PMEPA1: variants seen among roughly 807,000 people sequenced by gnomAD.
PMEPA1 encodes the protein protein TMEPAI.
PMEPA1 carries 11 observed loss-of-function variants against 23.0 expected under a neutral mutation model. The observed-to-expected ratio is 0.48, with a 90% CI of 0.30 to 0.79. The LOEUF is 0.79. Ranked by LOEUF, PMEPA1 falls within the 30% of genes least tolerant of loss-of-function variation. The pLI, the probability that PMEPA1 is intolerant of heterozygous loss-of-function variation, is 0.06. For synonymous variants in PMEPA1, 204 were observed against 166.4 expected (o/e 1.23, Z -1.74); for missense variants, 377 against 390.9 (o/e 0.96, Z 0.30).
chr20:57,672,049 T>TA (rs200180924), intron 1 of PMEPA1, among the ~76,000 whole-genome samples: 14 of 152,268 alleles, frequency 9.2e-5, no homozygotes, highest in Non-Finnish European at 1.8e-4. Flanking sequence ...AAAATGAGGA[T>TA]AAAAAATTAA....
Position 57,652,622 on chromosome 20 carries a change from AGG to A in PMEPA1, c.319-26_319-25del. 1 of 1,446,120 alleles carries A rather than the reference AGG, an allele frequency of 6.9e-7. No homozygotes were observed. Among genetic ancestry groups the A allele is most frequent in the East Asian group, 2.5e-5 (1 of 40,338 alleles). The allele number at this position is 1,446,120 out of a possible 1,614,324, so 89.6% of individuals were successfully genotyped here. A position where few individuals can be genotyped will look rare whatever the true frequency, so the allele number is the denominator to read the frequency against. On this transcript the variant is annotated intron_variant, in intron 3 of 3. Coordinates refer to ENST00000341744, the MANE Select transcript of PMEPA1 (RefSeq NM_020182.5). This position sits in a 1 kb window ranked among gnomAD's most constrained non-coding sequence, Gnocchi z 6.1. ...GGCTGGAGGAAGCAGAGCGGGAGTG[AGG>A]GAGGGCGGCTGTCTCAGGTGGGTTG...
At chr20:57,693,611 C>A (rs2071910231) in intron 1 of PMEPA1, among the ~76,000 whole-genome samples, 1 of 152,240 alleles carries the variant, frequency 6.6e-6, no homozygotes, top group South Asian at 2.1e-4. Context: ...CTCCCCAGAG[C>A]TAAAAAGGTA....
At position 57,681,311 on chromosome 20, in the gene PMEPA1, G is replaced by A. The variant is rs114211746; in HGVS notation, c.110-21614C>T. Among the ~76,000 whole-genome samples, 780 of 152,258 alleles carry A rather than the reference G, an allele frequency of 5.1e-3. 7 individuals are homozygous for A. Among genetic ancestry groups the A allele is most frequent in the African/African-American group, 0.018 (741 of 41,552 alleles). ...GAACCCCCGTCCCTCCAAACCTGCC[G>A]CCTGCCTGAGCTCCTGAGGGCACCC... On this transcript the variant is annotated intron_variant, in intron 1 of 3. Transcript: ENST00000341744.
chr20:57,683,091 A>G lies in PMEPA1; in HGVS notation c.110-23394T>C, dbSNP rs1434472549. ...CGCAGTCTCCGGGGGCATTTACGCC[A>G]CACTTGTCCTTAAGCTCAGATCTCC... On this transcript the variant is annotated intron_variant, in intron 1 of 3. Coordinates refer to ENST00000341744, the MANE Select transcript of PMEPA1 (RefSeq NM_020182.5). The surrounding 1 kb of genome is among the most constrained non-coding windows in gnomAD (Gnocchi z 4.3). Among the ~76,000 whole-genome samples, 1 of 152,220 alleles carries G rather than the reference A, an allele frequency of 6.6e-6. No individual in the cohort carries two copies. Among genetic ancestry groups the G allele is most frequent in the Non-Finnish European group, 1.5e-5 (1 of 68,036 alleles).
intron 1 of PMEPA1, among the ~76,000 whole-genome samples, chr20:57,694,129 C>G (rs1052328548): frequency 6.6e-6 from 1 of 152,182 alleles, no homozygotes; most frequent in Non-Finnish European, 1.5e-5. Context: ...TTGCCCCTGA[C>G]CTTCAAATAG....
intron 1 of PMEPA1, among the ~76,000 whole-genome samples, chr20:57,661,066 G>A (rs6099707): frequency 6.6e-6 from 1 of 152,220 alleles, no homozygotes; most frequent in East Asian, 1.9e-4. Flanking sequence ...TTGGTGAAAA[G>A]GCCTCAGAAA....
rs1195120012 is a variant in PMEPA1, at chr20:57,683,062, A to G, written c.110-23365T>C. 1.3e-5 allele frequency among the ~76,000 whole-genome samples: 2 copies of G among 152,194 alleles called. No homozygotes were observed. Among genetic ancestry groups the G allele is most frequent in the African/African-American group, 4.8e-5 (2 of 41,458 alleles). On this transcript the variant is annotated intron_variant, in intron 1 of 3. Coordinates refer to ENST00000341744, the MANE Select transcript of PMEPA1 (RefSeq NM_020182.5). The surrounding 1 kb of genome is among the most constrained non-coding windows in gnomAD (Gnocchi z 4.3). ...CAGACCTTTTTCAATGTCATCTCTC[A>G]CGCCGCAGTCTCCGGGGGCATTTAC...
rs142295639 is a variant in PMEPA1, at chr20:57,652,267, G to A, written c.650C>T (p.Thr217Met). ...PPSSNSGISATCYGSGGRMEG... is the reference protein window; with the variant it reads ...PPSSNSGISAMCYGSGGRMEG... ...CATGCGCCCGCCGCTGCCGTAGCAC[G>A]TGGCGCTGATGCCCGAGTTACTGCT... The change falls in exon 4 of 4, where the codon ACG becomes ATG. Residue 217 changes from threonine (T) to methionine (M), a missense_variant. By Grantham distance (81) the Thr-to-Met change is moderately conservative. This residue lies in a region of PMEPA1 where 176 missense variants were observed against 173.0 expected (regional missense o/e 1.02). Coordinates refer to ENST00000341744, the MANE Select transcript of PMEPA1 (RefSeq NM_020182.5). The surrounding 1 kb of genome is among the most constrained non-coding windows in gnomAD (Gnocchi z 6.1). The A allele has an allele frequency of 3.4e-4, 540 of 1,608,650 alleles. 2 individuals are homozygous for A. Among genetic ancestry groups the A allele is most frequent in the Middle Eastern group, 1.2e-3 (7 of 6,058 alleles).
chr20:57,710,392 A>C (rs533346307), upstream of PMEPA1: 178 of 1,536,518 alleles, frequency 1.2e-4, 2 homozygotes, highest in South Asian at 1.9e-3. Flanking sequence ...TCTGAGGAGC[A>C]CAAGGTCCCT....
rs544034838 is a variant in PMEPA1, at chr20:57,666,921, C to T, written c.110-7224G>A. ...CCCCAATCACAGGCGAGGGGACGGG[C>T]CTGGAAATAGTTTCCAAACTCCGAA... On this transcript the variant is annotated intron_variant, in intron 1 of 3. Transcript: ENST00000341744. Among the ~76,000 whole-genome samples, 25 of 152,324 alleles carry T rather than the reference C, an allele frequency of 1.6e-4. 2 individuals are homozygous for T. In the South Asian group the frequency reaches 5.0e-3, roughly 30 times the overall value.
chr20:57,690,737 C>A (rs569157469), intron 1 of PMEPA1: 13 of 368,366 alleles, frequency 3.5e-5, no homozygotes, highest in African/African-American at 2.1e-4. Context: ...GCCCAGCCGA[C>A]CCCCACCTGC....
At chr20:57,662,475 G>C (rs1157236163) in intron 1 of PMEPA1, among the ~76,000 whole-genome samples, 2 of 152,200 alleles carry the variant, frequency 1.3e-5, no homozygotes, top group Non-Finnish European at 2.9e-5. Context: ...TGCCTGCTGG[G>C]AACTCAGGCC....
chr20:57,684,673 T>C (rs763793101), intron 1 of PMEPA1, among the ~76,000 whole-genome samples: 24 of 152,246 alleles, frequency 1.6e-4, no homozygotes, highest in Non-Finnish European at 3.2e-4. Context: ...ATGAGGTTAA[T>C]TAATGCATCT....
At chr20:57,653,956 C>T (rs1568960359) in intron 2 of PMEPA1, among the ~76,000 whole-genome samples, 1 of 152,160 alleles carries the variant, frequency 6.6e-6, no homozygotes, top group Non-Finnish European at 1.5e-5. Flanking sequence ...TCCCAGTTCA[C>T]AGGTGAAAAA....
rs2071526716 is a variant in PMEPA1, at chr20:57,668,669, C to T, written c.110-8972G>A. ...AACTCTGGATATTTTCAGGTGTGAA[C>T]CTTTGCTCCAGCATATAGACAGCTG... On this transcript the variant is annotated intron_variant, in intron 1 of 3. Transcript: ENST00000341744. Among the ~76,000 whole-genome samples the T allele has an allele frequency of 2.0e-5, 3 of 152,330 alleles. No homozygotes were observed. In the South Asian group the frequency reaches 6.2e-4, roughly 32 times the overall value.
intron 1 of PMEPA1, among the ~76,000 whole-genome samples, chr20:57,690,063 C>T (rs2071856284): frequency 6.6e-6 from 1 of 152,250 alleles, no homozygotes; most frequent in South Asian, 2.1e-4. Context: ...GTCGGTGTCA[C>T]CCCATTTTAT....
chr20:57,654,472 C>T (rs1468129515), intron 2 of PMEPA1, among the ~76,000 whole-genome samples: 1 of 152,034 alleles, frequency 6.6e-6, no homozygotes, highest in Non-Finnish European at 1.5e-5. Context: ...GGCTCTGTGG[C>T]CCCTCAAAAC....
In PMEPA1 at chr20:57,683,634, C is replaced by T. The variant is rs1179422691; in HGVS notation, c.110-23937G>A. On this transcript the variant is annotated intron_variant, in intron 1 of 3. Transcript: ENST00000341744. This position sits in a 1 kb window ranked among gnomAD's most constrained non-coding sequence, Gnocchi z 4.3. ...AAAATACTTCATGTTGATATTTCTT[C>T]TTAAAGATGCTGTAATTATGAGAGA... is the stretch of plus-strand genomic sequence containing the variant. Among the ~76,000 whole-genome samples, 1 of 151,280 alleles carries T rather than the reference C, an allele frequency of 6.6e-6. No homozygotes were observed. Among genetic ancestry groups the T allele is most frequent in the Non-Finnish European group, 1.5e-5 (1 of 67,948 alleles).
In PMEPA1 at chr20:57,659,588, G is replaced by C. The variant is rs752618564; in HGVS notation, c.219C>G (p.Ile73Met). The C allele has an allele frequency of 5.6e-6, 9 of 1,613,762 alleles. No homozygotes were observed. The highest frequency in any genetic ancestry group is 6.8e-6 in the Non-Finnish European group (8 of 1,179,940). Residue 73 changes from isoleucine (I) to methionine (M), a missense_variant, in exon 2 of 4, where the codon ATC (isoleucine) becomes ATG (methionine). This residue lies in a region of PMEPA1 where 198 missense variants were observed against 196.3 expected (regional missense o/e 1.01). Transcript: ENST00000341744. Reference protein sequence around the residue: ...SHYKLSARSFISRHSQGRRRE... With the variant: ...SHYKLSARSFMSRHSQGRRRE... ...TCCTCCGCCCCTGGCTGTGCCGGCT[G>C]ATGAAGGACCGTGCAGACAGCTTGT...
Sources: gnomAD v4.1 joint callset for allele counts (sites outside exome capture counted in the v4.1 genomes callset) on GRCh38, gnomAD v4.1.1 for gene constraint, gnomAD v4.1.1 regional missense constraint, Gnocchi (gnomAD v3.1) non-coding constraint, MANE v1.5 for transcripts, NCBI Gene and HGNC (gene_info 2026-07-23, HGNC 2026-07-21) for gene names.